WDR41: variants seen among roughly 807,000 people sequenced by gnomAD.
WDR41 encodes the protein WD repeat domain 41, also known as WD repeat-containing protein 41.
A neutral mutation model predicts 69.3 loss-of-function variants in WDR41; 63 were observed. The observed-to-expected ratio is 0.91, with a 90% confidence interval of 0.74 to 1.12. The LOEUF is 1.12. Ranked by LOEUF, WDR41 falls within the 50% of genes most tolerant of loss-of-function variation. WDR41 has a pLI of 0.00. For synonymous variants in WDR41, 185 were observed against 192.1 expected (o/e 0.96, Z 0.31); for missense variants, 543 against 534.5 (o/e 1.02, Z -0.16).
intron 1 of WDR41, among the ~76,000 whole-genome samples, chr5:77,539,754 A>C (rs1413096569): frequency 2.0e-5 from 3 of 152,222 alleles, no homozygotes; most frequent in Admixed American, 2.0e-4. Flanking sequence ...TAACAGCTAA[A>C]AGAAAACACC....
chr5:77,481,008 C>T (rs1801212348), intron 2 of WDR41, among the ~76,000 whole-genome samples: 1 of 151,540 alleles, frequency 6.6e-6, no homozygotes, highest in Admixed American at 6.6e-5. Context: ...CAGTTCAGAC[C>T]CTTGTGGGTT....
At chr5:77,541,824 A>C (rs1269205639) in intron 1 of WDR41, among the ~76,000 whole-genome samples, 1 of 152,216 alleles carries the variant, frequency 6.6e-6, no homozygotes, top group Non-Finnish European at 1.5e-5. Flanking sequence ...TGTTGGTGGA[A>C]GTATATATTA....
rs1799137496 is a variant in WDR41, at chr5:77,440,970, A to C, written c.725T>G (p.Val242Gly). The change falls in exon 9 of 13, where the codon GTC (valine) becomes GGC (glycine). Residue 242 changes from valine (V) to glycine (G), a missense_variant. By Grantham distance (109) the Val-to-Gly change is moderately radical. Transcript: ENST00000296679. ...GGCATCCCAGATGATCAGCTCTCCG[A>C]CGTGGGAGCCGGTGACAAAACTCAA... is the stretch of plus-strand genomic sequence containing the variant. ...NDLSFVTGSH[V>G]GELIIWDALD... is the part of the protein sequence containing the mutation. The C allele has an allele frequency of 3.7e-6, 6 of 1,613,478 alleles. No individual in the cohort carries two copies. The highest frequency in any genetic ancestry group is 5.1e-6 in the Non-Finnish European group (6 of 1,179,856).
chr5:77,556,035 G>A (rs1743382721), intron 1 of WDR41, among the ~76,000 whole-genome samples: 1 of 149,078 alleles, frequency 6.7e-6, no homozygotes, highest in South Asian at 2.1e-4. Context: ...GTTGAAAACA[G>A]AGAACCCAGA....
chr5:77,570,071 A>G (rs963401310), intron 1 of WDR41, among the ~76,000 whole-genome samples: 1 of 152,116 alleles, frequency 6.6e-6, no homozygotes, highest in Non-Finnish European at 1.5e-5. Flanking sequence ...CTCTAATCCT[A>G]TAACTGTCCC....
chr5:77,608,687 A>G (rs1744476314), intron 1 of WDR41, among the ~76,000 whole-genome samples: 1 of 152,230 alleles, frequency 6.6e-6, no homozygotes, highest in Non-Finnish European at 1.5e-5. Flanking sequence ...AAGAAGGCCA[A>G]ATAGGAACGG....
rs576315042 is a variant in WDR41 at position 77,480,553 on chromosome 5, G to A, written c.167+8904C>T. On this transcript the variant is annotated intron_variant, in intron 2 of 12. Transcript: ENST00000296679. ...CATGGATGAAATTGGAAAACATCAT[G>A]CTCAGTAAACTATTGCAAGAACAAA... Among the ~76,000 whole-genome samples the A allele has an allele frequency of 1.8e-4, 28 of 152,132 alleles. No individual in the cohort carries two copies. In the South Asian group the frequency reaches 4.8e-3, roughly 26 times the overall value.
At chr5:77,507,230 G>A (rs1368666870) in intron 1 of WDR41, among the ~76,000 whole-genome samples, 1 of 152,080 alleles carries the variant, frequency 6.6e-6, no homozygotes, top group African/African-American at 2.4e-5. Context: ...CATATTTAAA[G>A]TAACTGACCT....
At chr5:77,513,495 C>T (rs1174021155) in intron 1 of WDR41, among the ~76,000 whole-genome samples, 2 of 152,056 alleles carry the variant, frequency 1.3e-5, no homozygotes, top group Non-Finnish European at 2.9e-5. Context: ...TTCCAATTAG[C>T]AAAGGGTTTC....
intron 1 of WDR41, among the ~76,000 whole-genome samples, chr5:77,509,181 T>C (rs6898601): frequency 0.14 from 21,287 of 152,170 alleles, 2,106 homozygotes; most frequent in African/African-American, 0.25. Flanking sequence ...AAATATTAGT[T>C]TAATTTTATT....
At chr5:77,583,206 G>A in intron 1 of WDR41, 1 of 767,518 alleles carries the variant, frequency 1.3e-6, no homozygotes, top group Non-Finnish European at 2.1e-6. Flanking sequence ...AAAAAGTGCA[G>A]AGGTTGAATT....
At chr5:77,501,127 G>A (rs1802012397) in intron 1 of WDR41, among the ~76,000 whole-genome samples, 1 of 152,240 alleles carries the variant, frequency 6.6e-6, no homozygotes, top group Non-Finnish European at 1.5e-5. Context: ...CTAGCCAAGG[G>A]AAGCCGTGAC....
intron 1 of WDR41, among the ~76,000 whole-genome samples, chr5:77,504,111 A>C (rs1299676495): frequency 3.3e-5 from 5 of 152,194 alleles, no homozygotes; most frequent in Admixed American, 6.5e-5. Context: ...AAAGATCAAC[A>C]AAATTGATAG....
chr5:77,608,107 A>G (rs976806580), intron 1 of WDR41, among the ~76,000 whole-genome samples: 1 of 152,190 alleles, frequency 6.6e-6, no homozygotes, highest in Non-Finnish European at 1.5e-5. Flanking sequence ...GGCAATCACT[A>G]TTCTACTTTC....
upstream of WDR41, among the ~76,000 whole-genome samples, chr5:77,494,402 T>C (rs1801909331): frequency 6.6e-6 from 1 of 151,808 alleles, no homozygotes; most frequent in Non-Finnish European, 1.5e-5. Context: ...AATCCAACTA[T>C]ATGCTGTCTA....
intron 1 of WDR41, among the ~76,000 whole-genome samples, chr5:77,568,609 G>A (rs543962100): frequency 3.9e-5 from 6 of 152,230 alleles, no homozygotes; most frequent in African/African-American, 1.4e-4. Context: ...TTCCCCTAAA[G>A]GCCACATAGT....
chr5:77,542,776 T>G (rs1165159690), intron 1 of WDR41, among the ~76,000 whole-genome samples: 4 of 152,148 alleles, frequency 2.6e-5, no homozygotes, highest in Admixed American at 1.3e-4. Context: ...AGATTTCAGC[T>G]CCAACTCGGA....
intron 1 of WDR41, among the ~76,000 whole-genome samples, chr5:77,619,270 T>C (rs559356129): frequency 1.3e-5 from 2 of 152,190 alleles, no homozygotes; most frequent in East Asian, 1.9e-4. Flanking sequence ...GGATCATTTA[T>C]TCAACAAATA....
chr5:77,436,661 C>T (rs776176905), intron 11 of WDR41, among the ~76,000 whole-genome samples: 2 of 152,066 alleles, frequency 1.3e-5, no homozygotes, highest in Admixed American at 1.3e-4. Context: ...TAAAACAGGA[C>T]AGAAACAAAG....
Sources: allele counts gnomAD v4.1 joint callset (sites outside exome capture counted in the v4.1 genomes callset), GRCh38; gene constraint gnomAD v4.1.1; transcripts MANE v1.5; gene names NCBI Gene and HGNC (gene_info 2026-07-23, HGNC 2026-07-21).